The following FAM228B variants were observed in gnomAD, a reference collection of about 807,000 sequenced individuals.
The protein encoded by FAM228B is protein FAM228B.
FAM228B carries 38 observed loss-of-function variants against 42.6 expected under a neutral mutation model. The ratio of observed to expected loss-of-function variants is 0.89; its 90% CI spans 0.69 to 1.17. FAM228B has a LOEUF of 1.17. Among genes scored for constraint, FAM228B ranks in the 50% most tolerant of loss-of-function variants. FAM228B has a pLI of 0.00. For synonymous variants in FAM228B, 109 were observed against 122.3 expected (o/e 0.89, Z 0.72); for missense variants, 344 against 367.3 (o/e 0.94, Z 0.52).
intron 3 of FAM228B, among the ~76,000 whole-genome samples, chr2:24,104,249 A>G (rs1357567137): frequency 6.6e-6 from 1 of 152,156 alleles, no homozygotes; most frequent in Non-Finnish European, 1.5e-5. Context: ...TGGGAATAGG[A>G]GAATCCCACT....
chr2:24,081,862 A>C (rs1418266454), intron 2 of FAM228B, among the ~76,000 whole-genome samples: 1 of 151,626 alleles, frequency 6.6e-6, no homozygotes, highest in African/African-American at 2.4e-5. Flanking sequence ...CGCCCAGCTA[A>C]TTTTTTGTAT....
At chr2:24,157,278 G>A (rs147704752) in intron 7 of FAM228B, among the ~76,000 whole-genome samples, 14 of 152,226 alleles carry the variant, frequency 9.2e-5, no homozygotes, top group African/African-American at 2.9e-4. Context: ...TTTATGTGCT[G>A]ATGAATAGAA....
rs773221333 is a variant in FAM228B at position 24,146,924 on chromosome 2, C to T, written c.530-6C>T. On this transcript the variant is annotated splice_polypyrimidine_tract_variant and splice_region_variant and intron_variant, in intron 6 of 10. Coordinates refer to ENST00000615575, the MANE Select transcript of FAM228B (RefSeq NM_001145710.2). ...ATGTTAATTTAGATTTTTATTCTTC[C>T]TTCAGGCAAAATATATTCAATAAAG... The T allele has an allele frequency of 5.2e-6, 8 of 1,550,282 alleles. No individual in the cohort carries two copies. In the South Asian group the frequency reaches 9.5e-5, roughly 18 times the overall value.
chr2:24,146,560 G>T (rs1309208721), intron 5 of FAM228B, among the ~76,000 whole-genome samples, 188 bp from the exon 6 acceptor site: 1 of 152,114 alleles, frequency 6.6e-6, no homozygotes, highest in Non-Finnish European at 1.5e-5. Context: ...CTTTAAGAGA[G>T]GTATTGATAT....
Position 24,109,485 on chromosome 2 carries a change from A to C in FAM228B, c.-121+14256A>C, listed in dbSNP as rs1665754269. 2.6e-5 allele frequency among the ~76,000 whole-genome samples: 4 copies of C among 152,344 alleles called. 1 individual carries two copies. The South Asian group carries it at 8.3e-4, about 32-fold the overall frequency. ...TAAAGAGCTTCTGCACAGCAAAAGA[A>C]ACTATCAACAGAGTAAACAGACAAC... On this transcript the variant is annotated intron_variant, in intron 3 of 10. Coordinates refer to the FAM228B transcript ENST00000613899.
chr2:24,093,342 C>T (rs1665429566), intron 2 of FAM228B, among the ~76,000 whole-genome samples: 1 of 152,012 alleles, frequency 6.6e-6, no homozygotes, highest in Admixed American at 6.6e-5. Flanking sequence ...TGATGTCCCC[C>T]TCCGTGTGTC....
At chr2:24,118,430 G>C (rs1342170184) in intron 3 of FAM228B, among the ~76,000 whole-genome samples, 1 of 152,234 alleles carries the variant, frequency 6.6e-6, no homozygotes, top group Non-Finnish European at 1.5e-5. Flanking sequence ...CTAGGCCGAA[G>C]TAATTCATTG....
chr2:24,140,581 C>G (rs1456866900), intron 5 of FAM228B, among the ~76,000 whole-genome samples: 2 of 152,146 alleles, frequency 1.3e-5, no homozygotes, highest in African/African-American at 4.8e-5. Context: ...AAGTAAGAAA[C>G]CTAAAATCTT....
At chr2:24,157,517 G>C (rs6733590) in intron 7 of FAM228B, among the ~76,000 whole-genome samples, 130,531 of 151,962 alleles carry the variant, frequency 0.86, 57,553 homozygotes, top group Non-Finnish European at 0.95. Flanking sequence ...GCGGGTGGAT[G>C]ACCTGAGGTC....
chr2:24,122,580 T>G (rs1373245343), upstream of FAM228B: 2 of 1,343,290 alleles, frequency 1.5e-6, no homozygotes, highest in Non-Finnish European at 2.1e-6. Flanking sequence ...AGCCATTGAC[T>G]CTGGCTAGCT....
chr2:24,129,783 T>G (rs980542259), intron 2 of FAM228B, among the ~76,000 whole-genome samples: 9 of 152,204 alleles, frequency 5.9e-5, no homozygotes, highest in Admixed American at 2.0e-4. Context: ...TTTCAGATTT[T>G]CATGTCAATA....
At chr2:24,086,277 A>G (rs995219325) in intron 2 of FAM228B, among the ~76,000 whole-genome samples, 8 of 151,894 alleles carry the variant, frequency 5.3e-5, no homozygotes, top group African/African-American at 1.7e-4. Context: ...AGGAAGAGGA[A>G]TGGATGAAGA....
At chr2:24,107,057 A>C (rs1283241923) in intron 3 of FAM228B, among the ~76,000 whole-genome samples, 1 of 152,216 alleles carries the variant, frequency 6.6e-6, no homozygotes. Flanking sequence ...TGACATCTAT[A>C]GGCTCAAAAT....
At position 24,137,968 on chromosome 2, in the gene FAM228B, A is replaced by G; in HGVS notation, c.228A>G (p.Leu76=). 6.5e-7 allele frequency: 1 copy of G among 1,547,406 alleles called. No homozygotes were observed. Among genetic ancestry groups the G allele is most frequent in the Non-Finnish European group, 8.7e-7 (1 of 1,145,942 alleles). Residue 76 remains leucine, a synonymous_variant, in exon 4 of 11, where the codon TTA becomes TTG. Transcript: ENST00000615575. The part of the protein sequence containing the change: ...AFLNARRKEM[L]YKRWVDCVAD... ...TAAATGCAAGAAGAAAGGAGATGTTATATAAAAGATGGGTTGACTGTGTGG... is the reference window on the plus strand; with the variant it reads ...TAAATGCAAGAAGAAAGGAGATGTTGTATAAAAGATGGGTTGACTGTGTGG...
chr2:24,167,676 A>AGAGG lies in FAM228B; in HGVS notation c.*12_*14+1dup, dbSNP rs1667459160. On this transcript the variant is annotated 3_prime_UTR_variant, in exon 10 of 11. Transcript: ENST00000615575. ...GCTGAAGCTGGAGCTATAAGAAAGA[A>AGAGG]GAGGGAGGTAGATGTCTTCTCTCTT... The AGAGG allele has an allele frequency of 6.4e-7, 1 of 1,551,452 alleles. No individual in the cohort carries two copies. Among genetic ancestry groups the AGAGG allele is most frequent in the South Asian group, 1.2e-5 (1 of 84,056 alleles).
chr2:24,108,061 A>G (rs994496111), intron 3 of FAM228B, among the ~76,000 whole-genome samples: 2 of 152,242 alleles, frequency 1.3e-5, no homozygotes, highest in Non-Finnish European at 2.9e-5. Context: ...GAGAAGATCC[A>G]AATAAATACA....
intron 2 of FAM228B, among the ~76,000 whole-genome samples, chr2:24,130,918 G>A (rs1225809384): frequency 6.6e-6 from 1 of 151,996 alleles, no homozygotes; most frequent in Non-Finnish European, 1.5e-5. Context: ...GGGTTTTTAT[G>A]GTTTTGGGTT....
At chr2:24,156,404 A>G (rs1667145591) in intron 7 of FAM228B, among the ~76,000 whole-genome samples, 2 of 152,130 alleles carry the variant, frequency 1.3e-5, no homozygotes, top group Admixed American at 1.3e-4. Context: ...AGGCTGAAGC[A>G]GGTAGATCAC....
At chr2:24,160,555 C>T (rs372537945) in intron 7 of FAM228B, among the ~76,000 whole-genome samples, 5 of 151,818 alleles carry the variant, frequency 3.3e-5, no homozygotes, top group African/African-American at 7.3e-5. Context: ...ATTCTTTCTT[C>T]GCTGTGTTTG....
Sources: allele counts gnomAD v4.1 joint callset (sites outside exome capture counted in the v4.1 genomes callset), GRCh38; gene constraint gnomAD v4.1.1; transcripts MANE v1.5; gene names NCBI Gene and HGNC (gene_info 2026-07-23, HGNC 2026-07-21).